The following USP20 variants were observed in gnomAD, a reference collection of about 807,000 sequenced individuals.
The protein encoded by USP20 is ubiquitin specific peptidase 20.
Under a neutral mutation model 124.2 loss-of-function variants are expected in USP20, and 80 were observed. That is an observed-to-expected ratio of 0.64 (90% CI 0.54 to 0.78). The LOEUF (loss-of-function observed/expected upper bound fraction) is 0.78. Among genes scored for constraint, USP20 ranks in the 30% least tolerant of loss-of-function variants. The probability of loss-of-function intolerance (pLI) is 0.00; values close to 1 mark genes in which losing one functional copy is unlikely to be tolerated. For missense variants in USP20, 1,043 were observed against 1,244.4 expected (o/e 0.84, Z 2.44); for synonymous variants, 481 against 512.3 (o/e 0.94, Z 0.83).
rs113287257 is a variant in USP20 at position 129,838,792 on chromosome 9, A to G, written c.-129+3293A>G. On this transcript the variant is annotated intron_variant, in intron 1 of 25. Coordinates refer to ENST00000372429, the MANE Select transcript of USP20 (RefSeq NM_001110303.4). ...TTCTGCTCATGCTTACTCACCACTG[A>G]GTGTGAGGCTTTTAATGACCTGGGC... Among the ~76,000 whole-genome samples the G allele has an allele frequency of 2.6e-5, 4 of 152,222 alleles. 1 individual carries two copies. Among genetic ancestry groups the G allele is most frequent in the African/African-American group, 9.6e-5 (4 of 41,524 alleles).
In USP20 at chr9:129,858,520, C is replaced by G. The variant is rs200946773; in HGVS notation, c.252C>G (p.Tyr84Ter). The change falls in exon 6 of 26, where the codon TAC (tyrosine) becomes TAG (stop). Residue 84 changes from tyrosine to a stop codon, truncating the protein, a stop_gained. Coordinates refer to ENST00000372429, the MANE Select transcript of USP20 (RefSeq NM_001110303.4). LOFTEE classifies it high-confidence loss of function. ...VNLTTFRLWC[Y>*]ACEKEVFLEQ... ...TGACCACGTTCCGACTGTGGTGTTA[C>G]GCCTGTGAGAAGGAGGTATTCCTGG... The G allele has an allele frequency of 2.5e-6, 4 of 1,614,074 alleles. No individual in the cohort carries two copies. Among genetic ancestry groups the G allele is most frequent in the Admixed American group, 1.7e-5 (1 of 60,000 alleles).
intron 8 of USP20, 27 bp downstream of exon 8, chr9:129,861,639 G>C (rs1379301693): frequency 6.2e-7 from 1 of 1,610,124 alleles, no homozygotes; most frequent in Non-Finnish European, 8.5e-7. Flanking sequence ...TCCGAGGGCC[G>C]AGAGCTGTCC....
chr9:129,870,430 C>T (rs1002913835), intron 14 of USP20, 23 bp from the exon 15 acceptor site: 1 of 1,612,624 alleles, frequency 6.2e-7, no homozygotes, highest in Non-Finnish European at 8.5e-7. Context: ...GGCAGCACCC[C>T]TGCACTCCTT....
intron 25 of USP20, 25 bp from the exon 26 acceptor site, chr9:129,880,442 C>A: frequency 1.1e-6 from 1 of 899,952 alleles, no homozygotes; most frequent in Non-Finnish European, 1.6e-6. Flanking sequence ...CCCGGCCCCA[C>A]TGCTGAGTGC....
Position 129,875,319 on chromosome 9 carries a change from C to T in USP20, c.2058C>T (p.Ser686=), listed in dbSNP as rs370720932. Residue 686 remains serine (S), a synonymous_variant, in exon 20 of 26, where the codon AGC becomes AGT. Coordinates refer to ENST00000372429, the MANE Select transcript of USP20 (RefSeq NM_001110303.4). ...CCTCCTCACCCCACAGGAAGAGCAG[C>T]GAGGAGGCCATGCGGGAGCGACAGC... is the stretch of plus-strand genomic sequence containing the variant. ...EGYVLFYRKS[S]EEAMRERQQV... 1.6e-5 allele frequency: 25 copies of T among 1,606,936 alleles called. No individual in the cohort carries two copies. Among genetic ancestry groups the T allele is most frequent in the East Asian group, 6.7e-5 (3 of 44,776 alleles).
Position 129,860,924 on chromosome 9 carries a change from G to T in USP20, c.331-13G>T, listed in dbSNP as rs376752709. 2.5e-6 allele frequency: 4 copies of T among 1,613,716 alleles called. No individual in the cohort carries two copies. The highest frequency in any genetic ancestry group is 3.4e-6 in the Non-Finnish European group (4 of 1,179,664). Reference sequence around the variant, plus strand: ...CTGTTCACTGTTTTCCTCACTTTGGGTCTTTAACACAGGACTCCCCGCCAC... The same window carrying T: ...CTGTTCACTGTTTTCCTCACTTTGGTTCTTTAACACAGGACTCCCCGCCAC... On this transcript the variant is annotated splice_polypyrimidine_tract_variant and intron_variant, in intron 6 of 25. Transcript: ENST00000372429.
At chr9:129,837,291 A>G (rs1370090141) in intron 1 of USP20, among the ~76,000 whole-genome samples, 1 of 152,132 alleles carries the variant, frequency 6.6e-6, no homozygotes, top group African/African-American at 2.4e-5. Context: ...AGATGAATCC[A>G]AGGTCTTAGT....
At chr9:129,843,117 AT>A (rs111656983) in intron 1 of USP20, among the ~76,000 whole-genome samples, 33,323 of 140,354 alleles carry the variant, frequency 0.24, 3,519 homozygotes, top group African/African-American at 0.26. Flanking sequence ...TTGACCAATA[AT>A]TTTTTTTTTT....
intron 23 of USP20, 64 bp downstream of exon 23, chr9:129,878,504 C>A: frequency 5.6e-6 from 8 of 1,419,576 alleles, no homozygotes; most frequent in Non-Finnish European, 7.6e-6. Context: ...GGGATGCTGG[C>A]AGGGGAGGGC....
chr9:129,861,580 C>T lies in USP20; in HGVS notation c.465C>T (p.Tyr155=), dbSNP rs765565094. Residue 155 remains tyrosine (Y), a synonymous_variant, in exon 8 of 26, where the codon TAC becomes TAT. Transcript: ENST00000372429. ...TGAAGAACCTCGGGAACTCCTGCTA[C>T]ATGAACGCTGCCCTGCAGGCCCTGT... ...TGMKNLGNSC[Y]MNAALQALSN... 6.2e-7 allele frequency: 1 copy of T among 1,614,188 alleles called. No homozygotes were observed. The highest frequency in any genetic ancestry group is 8.5e-7 in the Non-Finnish European group (1 of 1,180,040).
At chr9:129,848,126 A>G (rs4480218) in intron 1 of USP20, among the ~76,000 whole-genome samples, 21,775 of 151,998 alleles carry the variant, frequency 0.14, 2,035 homozygotes, top group African/African-American at 0.26. Flanking sequence ...GAGAAACTCC[A>G]TCTCTACTAA....
chr9:129,869,614 G>T (rs746865046), intron 13 of USP20, 58 bp from the exon 14 acceptor site: 44 of 1,602,170 alleles, frequency 2.7e-5, no homozygotes, highest in South Asian at 2.0e-4. Context: ...TGCTGCTTGG[G>T]GTTTGGGGTG....
Position 129,876,155 on chromosome 9 carries a change from C to T in USP20, c.2326C>T (p.His776Tyr). ...NRFGGGPAVN[H>Y]LYVCSICQVE... ...ATTCGGGGGTGGCCCCGCCGTGAAC[C>T]ACCTGTACGTGTGCTCCATCTGCCA... The change falls in exon 22 of 26, where the codon CAC (histidine) becomes TAC (tyrosine). Residue 776 changes from histidine (H) to tyrosine (Y), a missense_variant. Physicochemically the swap from His to Tyr is moderately conservative, Grantham distance 83. Coordinates refer to ENST00000372429, the MANE Select transcript of USP20 (RefSeq NM_001110303.4). 1.2e-6 allele frequency: 2 copies of T among 1,613,358 alleles called. No individual in the cohort carries two copies. Among genetic ancestry groups the T allele is most frequent in the South Asian group, 2.2e-5 (2 of 91,064 alleles).
chr9:129,838,789 C>A (rs954259187), intron 1 of USP20, among the ~76,000 whole-genome samples: 1 of 152,176 alleles, frequency 6.6e-6, no homozygotes, highest in Non-Finnish European at 1.5e-5. Context: ...TTACTCACCA[C>A]TGAGTGTGAG....
chr9:129,841,555 C>A (rs566796928), intron 1 of USP20, among the ~76,000 whole-genome samples: 9 of 152,184 alleles, frequency 5.9e-5, no homozygotes, highest in Non-Finnish European at 8.8e-5. Flanking sequence ...GGCATCCCCC[C>A]ACATTGACCC....
Position 129,867,927 on chromosome 9 carries a change from T to G in USP20, c.691-78T>G, listed in dbSNP as rs868720187. On this transcript the variant is annotated intron_variant, in intron 10 of 25. Coordinates refer to ENST00000372429, the MANE Select transcript of USP20 (RefSeq NM_001110303.4). ...GGTCCTCCTAGATGGAGGCTGGCGC[T>G]CTCATCAGCCACAGGGCGCTGGAGA... 9.0e-5 allele frequency: 136 copies of G among 1,505,830 alleles called. 2 individuals carry two copies. In the South Asian group the frequency reaches 1.7e-3, roughly 19 times the overall value. The allele number at this position is 1,505,830 out of a possible 1,614,324, so 93.3% of individuals were successfully genotyped here.
intron 10 of USP20, among the ~76,000 whole-genome samples, chr9:129,867,554 G>A (rs1588274983): frequency 1.3e-5 from 2 of 152,190 alleles, no homozygotes; most frequent in East Asian, 3.9e-4. Flanking sequence ...GCAGGACTCG[G>A]GTGAGTCCTC....
chr9:129,877,462 G>A (rs1231963992), intron 22 of USP20, among the ~76,000 whole-genome samples: 1 of 152,218 alleles, frequency 6.6e-6, no homozygotes, highest in Non-Finnish European at 1.5e-5. Context: ...GGTTGAGGCT[G>A]CAGTGAGCCG....
intron 14 of USP20, 181 bp downstream of exon 14, chr9:129,870,025 A>T: frequency 7.0e-6 from 5 of 717,256 alleles, no homozygotes; most frequent in Middle Eastern, 8.1e-4. Flanking sequence ...GGCTACTTTG[A>T]AGTGGCCAGG....
Sources: gnomAD v4.1 joint callset for allele counts (sites outside exome capture counted in the v4.1 genomes callset) on GRCh38, gnomAD v4.1.1 for gene constraint, MANE v1.5 for transcripts, NCBI Gene and HGNC (gene_info 2026-07-23, HGNC 2026-07-21) for gene names.